RAI14: variants seen among roughly 807,000 people sequenced by gnomAD.
RAI14 encodes the protein retinoic acid induced 14.
Under a neutral mutation model 115.4 loss-of-function variants are expected in RAI14, and 45 were observed. The ratio of observed to expected loss-of-function variants is 0.39; its 90% CI spans 0.31 to 0.50. RAI14 has a LOEUF of 0.50. Among genes scored for constraint, RAI14 ranks in the 20% least tolerant of loss-of-function variants. The probability of loss-of-function intolerance (pLI) is 0.85; values close to 1 mark genes in which losing one functional copy is unlikely to be tolerated. For missense variants in RAI14, 939 were observed against 1,131.2 expected (o/e 0.83, Z 2.44); for synonymous variants, 371 against 415.4 (o/e 0.89, Z 1.30).
chr5:34,770,024 C>T (rs886881838), intron 3 of RAI14, among the ~76,000 whole-genome samples: 1 of 152,084 alleles, frequency 6.6e-6, no homozygotes, highest in African/African-American at 2.4e-5. Context: ...CCACTGCGCT[C>T]AGCTCCAGTT....
At chr5:34,796,092 A>G (rs571001100) in intron 4 of RAI14, 65 bp downstream of exon 4, 283 of 1,310,318 alleles carry the variant, frequency 2.2e-4, no homozygotes, top group Non-Finnish European at 3.0e-4. Flanking sequence ...AAAGTAATAC[A>G]TATTCATTAT....
intron 2 of RAI14, among the ~76,000 whole-genome samples, chr5:34,702,893 A>G (rs1356252701): frequency 2.0e-5 from 3 of 152,138 alleles, no homozygotes; most frequent in Non-Finnish European, 4.4e-5. Flanking sequence ...TTCAGTAGAG[A>G]CGGGGTTTCT....
At chr5:34,662,366 G>A (rs867981098) in intron 1 of RAI14, among the ~76,000 whole-genome samples, 2 of 152,276 alleles carry the variant, frequency 1.3e-5, no homozygotes, top group Middle Eastern at 6.8e-3. Flanking sequence ...CTAATGCATT[G>A]TTTCAGTAGA....
chr5:34,781,765 G>A (rs1751677219), intron 3 of RAI14, among the ~76,000 whole-genome samples: 2 of 152,162 alleles, frequency 1.3e-5, no homozygotes, highest in Admixed American at 1.3e-4. Flanking sequence ...ACTGAAAAAT[G>A]TGTCTACACT....
chr5:34,826,510 G>A (rs751488993), intron 16 of RAI14, 31 bp downstream of exon 16: 1 of 1,602,506 alleles, frequency 6.2e-7, no homozygotes. Context: ...TGCCTGGTTT[G>A]GGGTGGAGGG....
At position 34,757,042 on chromosome 5, in the gene RAI14, G is replaced by A. The variant is rs182008218; in HGVS notation, c.37-426G>A. On this transcript the variant is annotated intron_variant, in intron 2 of 17. Coordinates refer to ENST00000265109, the MANE Select transcript of RAI14 (RefSeq NM_015577.3). ...GAAAAATTATGTGTCTGTAAACCTC[G>A]GGTAACCTTGAGCTGCTGGTTTGGT... is the stretch of plus-strand genomic sequence containing the variant. 2.6e-5 allele frequency among the ~76,000 whole-genome samples: 4 copies of A among 152,238 alleles called. No homozygotes were observed. In the East Asian group the frequency reaches 7.7e-4, roughly 29 times the overall value.
In RAI14 at chr5:34,822,928, TC is replaced by T. The variant is rs759694096; in HGVS notation, c.1114-27del. 7.1e-6 allele frequency: 11 copies of T among 1,551,094 alleles called. 1 individual carries two copies. The South Asian group carries it at 1.3e-4, about 18-fold the overall frequency. On this transcript the variant is annotated intron_variant, in intron 14 of 17. Coordinates refer to ENST00000265109, the MANE Select transcript of RAI14 (RefSeq NM_015577.3). ...GGTCTCAATCTCCTGACCTTTGATA[TC>T]ATTTAATTCTTGCTTTTTTTTCCTA...
At chr5:34,678,606 G>A (rs1473593018) in intron 1 of RAI14, among the ~76,000 whole-genome samples, 1 of 152,184 alleles carries the variant, frequency 6.6e-6, no homozygotes, top group Non-Finnish European at 1.5e-5. Flanking sequence ...ACGAAGAAAG[G>A]CCTCAGAAGG....
rs1220942776 is a variant in RAI14 at position 34,665,075 on chromosome 5, A to ATG, written c.-49+8601_-49+8602insGT. On this transcript the variant is annotated intron_variant, in intron 1 of 17. Transcript: ENST00000265109. ...TATATGTGTATATATATGTGTATAT[A>ATG]TATGTGTATATATATGTGTATATAT... Among the ~76,000 whole-genome samples, 199 of 51,066 alleles carry ATG rather than the reference A, an allele frequency of 3.9e-3. 56 individuals carry two copies. The highest frequency in any genetic ancestry group is 0.013 in the African/African-American group (165 of 12,466). 33.5% of individuals were successfully genotyped at this position (51,066 alleles called of 152,430 possible). A position where few individuals can be genotyped will look rare whatever the true frequency, so the allele number is the denominator to read the frequency against.
Position 34,811,107 on chromosome 5 carries a change from C to T in RAI14, c.546C>T (p.Asn182=). 8 of 1,613,992 alleles carry T rather than the reference C, an allele frequency of 5.0e-6. No individual in the cohort carries two copies. Among genetic ancestry groups the T allele is most frequent in the Non-Finnish European group, 6.8e-6 (8 of 1,180,000 alleles). ...ATGGAGCAGATGTCAATTCCAGGAA[C>T]AAAAGTGGAAGGTACTCCAGAATTA... ...LDHGADVNSR[N]KSGRTALMLA... The change falls in exon 8 of 18, where the codon AAC becomes AAT. Residue 182 remains asparagine, a synonymous_variant. Transcript: ENST00000265109.
intron 2 of RAI14, among the ~76,000 whole-genome samples, chr5:34,725,016 G>A (rs1379099284): frequency 1.3e-5 from 2 of 151,724 alleles, no homozygotes; most frequent in Non-Finnish European, 2.9e-5. Context: ...GTTGGTAACA[G>A]TTAAAGCAGA....
chr5:34,752,705 G>A (rs1263053749), intron 2 of RAI14, among the ~76,000 whole-genome samples: 767 of 36,402 alleles, frequency 0.021, 19 homozygotes, highest in African/African-American at 0.11. Context: ...TTACATATAT[G>A]TGTGTGTGTG....
chr5:34,828,329 G>A (rs1292246366), intron 16 of RAI14, among the ~76,000 whole-genome samples: 1 of 152,184 alleles, frequency 6.6e-6, no homozygotes, highest in Non-Finnish European at 1.5e-5. Context: ...TAAAGCTGAA[G>A]TTGAGGAACT....
chr5:34,732,531 C>T (rs1261890385), intron 2 of RAI14, among the ~76,000 whole-genome samples: 3 of 150,596 alleles, frequency 2.0e-5, no homozygotes, highest in Admixed American at 6.6e-5. Context: ...CTCTGCCTCC[C>T]GGGTTCAAGC....
At chr5:34,745,904 A>G (rs1275222368) in intron 2 of RAI14, among the ~76,000 whole-genome samples, 3 of 151,498 alleles carry the variant, frequency 2.0e-5, no homozygotes, top group Non-Finnish European at 4.4e-5. Flanking sequence ...GGTAAAAGCC[A>G]TAAAACACCA....
At chr5:34,743,023 A>G (rs1442490487) in intron 2 of RAI14, among the ~76,000 whole-genome samples, 1 of 152,212 alleles carries the variant, frequency 6.6e-6, no homozygotes, top group African/African-American at 2.4e-5. Flanking sequence ...CAGGAAACAA[A>G]TCAACGTAGC....
At position 34,823,209 on chromosome 5, in the gene RAI14, A is replaced by C. The variant is rs769564625; in HGVS notation, c.1367A>C (p.Gln456Pro). The change falls in exon 15 of 18, where the codon CAG (glutamine) becomes CCG (proline). Residue 456 changes from glutamine (Q) to proline (P), a missense_variant. By Grantham distance (76) the Gln-to-Pro change is moderately conservative. Coordinates refer to ENST00000265109, the MANE Select transcript of RAI14 (RefSeq NM_015577.3). This position sits in a 1 kb window ranked among gnomAD's most constrained non-coding sequence, Gnocchi z 4.5. ...TCTGAAGCAGAGAGAAAACAGCTAC[A>C]GGTCGAACTCCAATCCCGAAGGGCA... ...ESSEAERKQL[Q>P]VELQSRRAEL... The C allele has an allele frequency of 1.2e-5, 19 of 1,614,100 alleles. No homozygotes were observed. In the South Asian group the frequency reaches 2.0e-4, roughly 17 times the overall value.
intron 2 of RAI14, among the ~76,000 whole-genome samples, chr5:34,730,603 G>A (rs1744055294): frequency 6.6e-6 from 1 of 152,120 alleles, no homozygotes; most frequent in Non-Finnish European, 1.5e-5. Flanking sequence ...TTGAACCCGG[G>A]AGGCAGAGGT....
At chr5:34,790,854 A>G (rs144816542) in intron 3 of RAI14, among the ~76,000 whole-genome samples, 17 of 151,830 alleles carry the variant, frequency 1.1e-4, no homozygotes, top group Admixed American at 5.9e-4. Context: ...CCTCATTATT[A>G]CACAGGATAT....
Sources: allele counts gnomAD v4.1 joint callset (sites outside exome capture counted in the v4.1 genomes callset), GRCh38; gene constraint gnomAD v4.1.1; non-coding constraint Gnocchi (gnomAD v3.1); transcripts MANE v1.5; gene names NCBI Gene and HGNC (gene_info 2026-07-23, HGNC 2026-07-21).